EDIL3: variants seen among roughly 807,000 people sequenced by gnomAD.
EDIL3 encodes EGF like and discoidin domains 3, also known as EGF-like repeat and discoidin I-like domain-containing protein 3.
A neutral mutation model predicts 67.4 loss-of-function variants in EDIL3; 37 were observed. The observed-to-expected ratio is 0.55, with a 90% CI of 0.42 to 0.72. EDIL3 has a LOEUF of 0.72. EDIL3 is among the 30% of genes least tolerant of loss of function. The pLI is 0.00. For synonymous variants in EDIL3, 195 were observed against 196.3 expected (o/e 0.99, Z 0.05); for missense variants, 527 against 586.3 (o/e 0.90, Z 1.04).
intron 4 of EDIL3, among the ~76,000 whole-genome samples, chr5:84,159,005 A>G (rs1748541910): frequency 6.6e-6 from 1 of 152,034 alleles, no homozygotes; most frequent in Admixed American, 6.6e-5. Context: ...TGGTGCCTAT[A>G]ACAAAGGAAC....
At chr5:84,314,716 T>G (rs2112147740) in intron 1 of EDIL3, among the ~76,000 whole-genome samples, 1 of 152,240 alleles carries the variant, frequency 6.6e-6, no homozygotes, top group South Asian at 2.1e-4. Context: ...TTTTCTAAAC[T>G]GTCCAAAATA....
chr5:84,142,819 G>GC (rs11329625), intron 4 of EDIL3, among the ~76,000 whole-genome samples: 8,459 of 136,972 alleles, frequency 0.062, 267 homozygotes, highest in Admixed American at 0.086. Flanking sequence ...GATAGACGGT[G>GC]CCCCCCCCCC....
intron 5 of EDIL3, among the ~76,000 whole-genome samples, chr5:84,132,595 T>A (rs1304513169): frequency 8.4e-6 from 1 of 118,564 alleles, no homozygotes; most frequent in African/African-American, 3.1e-5. Flanking sequence ...TATATATTTT[T>A]AATATATATT....
chr5:84,261,177 AAGTG>A lies in EDIL3; in HGVS notation c.68-6969_68-6966del, dbSNP rs79411071. Among the ~76,000 whole-genome samples, 1,512 of 152,344 alleles carry A rather than the reference AAGTG, an allele frequency of 9.9e-3. 10 individuals are homozygous for A. Among genetic ancestry groups the A allele is most frequent in the Non-Finnish European group, 0.016 (1,067 of 68,012 alleles). On this transcript the variant is annotated intron_variant, in intron 1 of 10. Transcript: ENST00000296591. ...ACAAAATGAGCCAACTCTAGTACAC[AAGTG>A]AGTAATAATTCTAGTTAAAATTAGA...
At chr5:84,039,918 A>G (rs1456703244) in intron 9 of EDIL3, among the ~76,000 whole-genome samples, 1 of 152,124 alleles carries the variant, frequency 6.6e-6, no homozygotes, top group African/African-American at 2.4e-5. Flanking sequence ...AGCAAATGCT[A>G]TATACAGTTT....
chr5:84,313,326 G>A (rs976630724), intron 1 of EDIL3, among the ~76,000 whole-genome samples: 4 of 152,118 alleles, frequency 2.6e-5, no homozygotes, highest in Non-Finnish European at 5.9e-5. Context: ...ATAAGTAAAT[G>A]TTTCTTTAAG....
chr5:84,202,794 TCA>T (rs1412043811), intron 3 of EDIL3, among the ~76,000 whole-genome samples: 1 of 152,176 alleles, frequency 6.6e-6, no homozygotes, highest in Non-Finnish European at 1.5e-5. Flanking sequence ...GAAAGCAGTC[TCA>T]CACGTACTAT....
intron 8 of EDIL3, among the ~76,000 whole-genome samples, chr5:84,063,591 T>G (rs1359085578): frequency 1.3e-5 from 2 of 152,122 alleles, no homozygotes; most frequent in Non-Finnish European, 1.5e-5. Context: ...AATAGTAAAT[T>G]TTATTTGCTT....
rs149127098 is a variant in EDIL3 at position 83,974,545 on chromosome 5, T to A, written c.1138-11185A>T. 1.8e-3 allele frequency among the ~76,000 whole-genome samples: 268 copies of A among 152,138 alleles called. 3 individuals carry two copies. The East Asian group carries it at 0.02, about 12-fold the overall frequency. On this transcript the variant is annotated intron_variant, in intron 9 of 10. Transcript: ENST00000296591. ...TAGTAGGAATAAAAGGGATACGAAT[T>A]ATTTCCATTCAAATGCATGGTCCGT... is the stretch of plus-strand genomic sequence containing the variant.
At chr5:83,987,922 A>G (rs1745084450) in intron 9 of EDIL3, among the ~76,000 whole-genome samples, 1 of 149,268 alleles carries the variant, frequency 6.7e-6, no homozygotes, top group Non-Finnish European at 1.5e-5. Flanking sequence ...AGAAGTCTCA[A>G]CATTAGTTAT....
intron 3 of EDIL3, among the ~76,000 whole-genome samples, chr5:84,191,326 C>T (rs1743580877): frequency 6.6e-6 from 1 of 151,960 alleles, no homozygotes; most frequent in Admixed American, 6.6e-5. Context: ...ATCTGTCCTC[C>T]GTGACTGCCA....
At chr5:84,059,532 T>C (rs1178376805) in intron 9 of EDIL3, among the ~76,000 whole-genome samples, 1 of 152,192 alleles carries the variant, frequency 6.6e-6, no homozygotes, top group East Asian at 1.9e-4. Context: ...CTATTTTAAA[T>C]TGTTTTCATG....
chr5:84,003,162 A>T (rs895664326), intron 9 of EDIL3, among the ~76,000 whole-genome samples: 2 of 152,174 alleles, frequency 1.3e-5, no homozygotes, highest in African/African-American at 4.8e-5. Context: ...TTCACTGTGA[A>T]TCCCCCAGGT....
chr5:84,128,940 A>C (rs1431977061), intron 5 of EDIL3, among the ~76,000 whole-genome samples: 1 of 152,186 alleles, frequency 6.6e-6, no homozygotes, highest in Non-Finnish European at 1.5e-5. Context: ...ATTATTTGCA[A>C]TTAAATACAA....
At chr5:84,361,084 G>C (rs1408458189) in intron 1 of EDIL3, among the ~76,000 whole-genome samples, 1 of 151,982 alleles carries the variant, frequency 6.6e-6, no homozygotes, top group Admixed American at 6.6e-5. Context: ...ACCTGCCTAA[G>C]TTGATTCTGC....
intron 1 of EDIL3, among the ~76,000 whole-genome samples, chr5:84,346,560 AC>A (rs1456403811): frequency 1.3e-5 from 2 of 152,170 alleles, no homozygotes; most frequent in African/African-American, 2.4e-5. Context: ...AGTACAGTGT[AC>A]ATTTTTAGTT....
At chr5:83,948,673 T>A (rs1744356572) in intron 10 of EDIL3, among the ~76,000 whole-genome samples, 1 of 151,824 alleles carries the variant, frequency 6.6e-6, no homozygotes, top group Non-Finnish European at 1.5e-5. Context: ...GTGGTATACA[T>A]CTATATCATA....
intron 10 of EDIL3, among the ~76,000 whole-genome samples, chr5:83,951,945 T>C (rs1046125268): frequency 6.6e-6 from 1 of 151,766 alleles, no homozygotes. Flanking sequence ...GATTCCCTAG[T>C]CCACTGTGAG....
At chr5:84,277,337 C>G (rs561820529) in intron 1 of EDIL3, among the ~76,000 whole-genome samples, 1 of 152,118 alleles carries the variant, frequency 6.6e-6, no homozygotes, top group African/African-American at 2.4e-5. Flanking sequence ...CAGACCCTCA[C>G]AGACACAAAA....
Sources: allele counts gnomAD v4.1 joint callset (sites outside exome capture counted in the v4.1 genomes callset), GRCh38; gene constraint gnomAD v4.1.1; transcripts MANE v1.5; gene names NCBI Gene and HGNC (gene_info 2026-07-23, HGNC 2026-07-21).